The following ZNF804B variants were observed in gnomAD, a reference collection of about 807,000 sequenced individuals.
ZNF804B encodes the protein zinc finger protein 804B, also known as zinc finger 804B.
In ZNF804B, 80 loss-of-function variants were observed where a neutral mutation model predicts 101.4. That is an observed-to-expected ratio of 0.79 (90% CI 0.66 to 0.95). The LOEUF is 0.95. Among genes scored for constraint, ZNF804B ranks in the 40% least tolerant of loss-of-function variants. The pLI is 0.00. For synonymous variants in ZNF804B, 622 were observed against 558.8 expected (o/e 1.11, Z -1.59); for missense variants, 1,673 against 1,561.9 (o/e 1.07, Z -1.20).
chr7:88,765,764 A>G (rs1789972617), intron 1 of ZNF804B, among the ~76,000 whole-genome samples: 4 of 152,178 alleles, frequency 2.6e-5, no homozygotes, highest in Non-Finnish European at 4.4e-5. Flanking sequence ...GATTTCACAA[A>G]TCAGGTTTAC....
intron 2 of ZNF804B, among the ~76,000 whole-genome samples, chr7:89,289,703 G>C (rs1790257284): frequency 6.6e-6 from 1 of 152,146 alleles, no homozygotes; most frequent in Admixed American, 6.5e-5. Flanking sequence ...CTCAGTGGTG[G>C]GAACTTGAGT....
intron 1 of ZNF804B, among the ~76,000 whole-genome samples, chr7:88,764,972 C>T (rs1048695873): frequency 2.0e-5 from 3 of 152,014 alleles, no homozygotes; most frequent in African/African-American, 7.2e-5. Flanking sequence ...ATAAAGCAAC[C>T]TCCTTTCTTG....
intron 1 of ZNF804B, among the ~76,000 whole-genome samples, chr7:89,046,026 T>A (rs1789099748): frequency 6.6e-6 from 1 of 152,098 alleles, no homozygotes; most frequent in South Asian, 2.1e-4. Context: ...ATGGACCCCA[T>A]GGGAGGTAAT....
intron 1 of ZNF804B, among the ~76,000 whole-genome samples, chr7:89,211,141 C>G (rs117010030): frequency 0.039 from 5,863 of 152,268 alleles, 115 homozygotes; most frequent in Admixed American, 0.045. Flanking sequence ...TGAATGTCTT[C>G]TTTTGAGGAG....
At chr7:89,201,390 A>G (rs1788634301) in intron 1 of ZNF804B, among the ~76,000 whole-genome samples, 1 of 152,076 alleles carries the variant, frequency 6.6e-6, no homozygotes, top group South Asian at 2.1e-4. Context: ...CAGGACATAC[A>G]AAATGGAATA....
chr7:88,919,200 A>G (rs907990881), intron 1 of ZNF804B, among the ~76,000 whole-genome samples: 6 of 152,170 alleles, frequency 3.9e-5, no homozygotes, highest in South Asian at 2.1e-4. Context: ...GCTGAAGCTT[A>G]TTCATGTAAA....
At chr7:89,210,912 A>ATTAC (rs1562917090) in intron 1 of ZNF804B, among the ~76,000 whole-genome samples, 1 of 152,214 alleles carries the variant, frequency 6.6e-6, no homozygotes, top group Admixed American at 6.5e-5. Flanking sequence ...TCTTTGATGA[A>ATTAC]TTACTACACT....
At chr7:88,989,501 G>T (rs1793812133) in intron 1 of ZNF804B, among the ~76,000 whole-genome samples, 1 of 152,060 alleles carries the variant, frequency 6.6e-6, no homozygotes, top group Non-Finnish European at 1.5e-5. Context: ...TCAAGGAATA[G>T]CCTGAGGTGT....
chr7:89,282,125 T>C (rs1049259083), intron 2 of ZNF804B, among the ~76,000 whole-genome samples: 1 of 145,356 alleles, frequency 6.9e-6, no homozygotes. Context: ...GGTGTGAACC[T>C]GGGAGGCGGA....
chr7:88,874,872 C>T (rs1358479567), intron 1 of ZNF804B, among the ~76,000 whole-genome samples: 2 of 147,922 alleles, frequency 1.4e-5, no homozygotes, highest in African/African-American at 5.1e-5. Flanking sequence ...TTCAGCACCA[C>T]ACCACACCTA....
chr7:89,016,486 C>G (rs1415595424), intron 1 of ZNF804B, among the ~76,000 whole-genome samples: 1 of 151,780 alleles, frequency 6.6e-6, no homozygotes, highest in African/African-American at 2.4e-5. Context: ...ACGTTTAAGT[C>G]TTTAATCCAT....
intron 1 of ZNF804B, among the ~76,000 whole-genome samples, chr7:89,186,174 C>A (rs574066470): frequency 6.6e-6 from 1 of 151,924 alleles, no homozygotes; most frequent in Non-Finnish European, 1.5e-5. Context: ...TATAAGAACA[C>A]CATTTATGCA....
intron 1 of ZNF804B, among the ~76,000 whole-genome samples, chr7:89,060,995 T>C (rs1789371109): frequency 6.6e-6 from 1 of 152,168 alleles, no homozygotes; most frequent in Non-Finnish European, 1.5e-5. Context: ...GTATTTCAGA[T>C]GAACACAGTT....
intron 1 of ZNF804B, among the ~76,000 whole-genome samples, chr7:88,860,349 A>T (rs1791627980): frequency 6.6e-6 from 1 of 152,022 alleles, no homozygotes. Flanking sequence ...ATTGGAGTAT[A>T]TTTTATCCTT....
At chr7:89,228,955 C>T (rs931545150) in intron 2 of ZNF804B, among the ~76,000 whole-genome samples, 1 of 152,224 alleles carries the variant, frequency 6.6e-6, no homozygotes, top group African/African-American at 2.4e-5. Flanking sequence ...TTGAGCACAG[C>T]AGCTGCTGGC....
chr7:88,858,215 T>C (rs1220165032), intron 1 of ZNF804B, among the ~76,000 whole-genome samples: 1 of 152,188 alleles, frequency 6.6e-6, no homozygotes, highest in East Asian at 1.9e-4. Context: ...CTCCTCAAAT[T>C]AGGCTAACCT....
At chr7:89,217,055 G>C (rs1788906921) in intron 1 of ZNF804B, among the ~76,000 whole-genome samples, 1 of 152,152 alleles carries the variant, frequency 6.6e-6, no homozygotes, top group Non-Finnish European at 1.5e-5. Context: ...TTCTGGGCTA[G>C]ACAACATGTT....
chr7:89,329,162 T>C (rs1262007297), intron 3 of ZNF804B, among the ~76,000 whole-genome samples: 1 of 151,806 alleles, frequency 6.6e-6, no homozygotes, highest in Non-Finnish European at 1.5e-5. Context: ...TTTTGGTGAT[T>C]TGATAAAATA....
At chr7:89,130,981 T>A (rs1790538149) in intron 1 of ZNF804B, among the ~76,000 whole-genome samples, 1 of 152,022 alleles carries the variant, frequency 6.6e-6, no homozygotes, top group Admixed American at 6.6e-5. Context: ...ATATAGCTTA[T>A]ACTTTTGAAG....
Sources: gnomAD v4.1 joint callset for allele counts (sites outside exome capture counted in the v4.1 genomes callset) on GRCh38, gnomAD v4.1.1 for gene constraint, MANE v1.5 for transcripts, NCBI Gene and HGNC (gene_info 2026-07-23, HGNC 2026-07-21) for gene names.